KIF3C: variants seen among roughly 807,000 people sequenced by gnomAD.
The protein encoded by KIF3C is kinesin family member 3C, also known as kinesin-like protein KIF3C.
In KIF3C, 12 loss-of-function variants were observed where a neutral mutation model predicts 67.7. The observed-to-expected ratio is 0.18, with a 90% CI of 0.11 to 0.29. The LOEUF is 0.29. Among genes scored for constraint, KIF3C ranks in the 10% least tolerant of loss-of-function variants. KIF3C has a pLI of 1.00. For missense variants in KIF3C, 789 were observed against 1,059.6 expected, an observed-to-expected ratio of 0.74 and a Z score of 3.55; for synonymous variants, 393 against 426.2, an observed-to-expected ratio of 0.92 and a Z score of 0.96.
rs1436938413 is a variant in KIF3C, at chr2:25,982,373, A to G, written c.-456T>C. 1 of 398,920 alleles carries G rather than the reference A, an allele frequency of 2.5e-6. No individual in the cohort carries two copies. Among genetic ancestry groups the G allele is most frequent in the Non-Finnish European group, 4.4e-6 (1 of 226,410 alleles). 24.7% of individuals were successfully genotyped at this position (398,920 alleles called of 1,614,324 possible). The stretch of plus-strand genomic sequence containing the variant: ...GCGGCCGGGGGTCCCGGGCCTCCCG[A>G]GGGCAGAGGCTCACCTGGAGTCCTC... On this transcript the variant is annotated 5_prime_UTR_variant, in exon 1 of 8. Coordinates refer to ENST00000264712, the MANE Select transcript of KIF3C (RefSeq NM_002254.8).
chr2:25,928,911 G>A lies in KIF3C; in HGVS notation c.*67C>T, dbSNP rs572019857. The A allele has an allele frequency of 7.4e-7, 1 of 1,353,570 alleles. No homozygotes were observed. Among genetic ancestry groups the A allele is most frequent in the South Asian group, 1.2e-5 (1 of 81,872 alleles). The allele number at this position is 1,353,570 out of a possible 1,614,324, so 83.8% of individuals were successfully genotyped here. Reference sequence around the variant, plus strand: ...CACGCACACGCACCAAGCGGCAGATGAGATGAGCCAGGGTTGGCTGCCCCA... The same window carrying A: ...CACGCACACGCACCAAGCGGCAGATAAGATGAGCCAGGGTTGGCTGCCCCA... On this transcript the variant is annotated 3_prime_UTR_variant, in exon 8 of 8. Transcript: ENST00000264712.
chr2:25,946,878 C>T (rs150783699), intron 5 of KIF3C, among the ~76,000 whole-genome samples: 455 of 151,676 alleles, frequency 3.0e-3, no homozygotes, highest in African/African-American at 0.011. Context: ...GAAGGCTGGG[C>T]GCAGTGGCTC....
chr2:25,947,352 C>A (rs1012765987), intron 5 of KIF3C, among the ~76,000 whole-genome samples: 3 of 151,840 alleles, frequency 2.0e-5, no homozygotes, highest in Non-Finnish European at 4.4e-5. Flanking sequence ...GAGGCCGGGG[C>A]GGGCAGATCA....
chr2:25,960,292 T>C (rs1476736979), intron 1 of KIF3C, among the ~76,000 whole-genome samples: 1 of 152,132 alleles, frequency 6.6e-6, no homozygotes, highest in Non-Finnish European at 1.5e-5. Flanking sequence ...TTGAGATCCA[T>C]ATTGTACTGA....
At chr2:25,956,026 A>G (rs1279926895) in intron 2 of KIF3C, among the ~76,000 whole-genome samples, 1 of 152,186 alleles carries the variant, frequency 6.6e-6, no homozygotes, top group East Asian at 1.9e-4. Flanking sequence ...GTGGCTCTTG[A>G]TGATTTAGGG....
At position 25,980,386 on chromosome 2, in the gene KIF3C, G is replaced by C; in HGVS notation, c.1532C>G (p.Ala511Gly). The C allele has an allele frequency of 6.2e-7, 1 of 1,612,952 alleles. No individual in the cohort carries two copies. Among genetic ancestry groups the C allele is most frequent in the Non-Finnish European group, 8.5e-7 (1 of 1,179,384 alleles). The stretch of plus-strand genomic sequence containing the variant: ...TGGGGCCCTTACCTTGTACTTGGCC[G>C]CAAGCAGCTCTGTGGCCTGCTGTTC... ...RREQQATELL[A>G]AKYKAMESKL... The change falls in exon 1 of 8, where the codon GCG becomes GGG. Residue 511 changes from alanine to glycine, a missense_variant. Coordinates refer to ENST00000264712, the MANE Select transcript of KIF3C (RefSeq NM_002254.8). This position sits in a 1 kb window ranked among gnomAD's most constrained non-coding sequence, Gnocchi z 7.6.
chr2:25,939,110 G>A (rs897669898), intron 5 of KIF3C, among the ~76,000 whole-genome samples: 1 of 152,090 alleles, frequency 6.6e-6, no homozygotes, highest in African/African-American at 2.4e-5. Context: ...TGGGATTACA[G>A]GTGACAGCCA....
intron 5 of KIF3C, among the ~76,000 whole-genome samples, 174 bp from the exon 6 acceptor site, chr2:25,930,237 C>T (rs1334314468): frequency 3.3e-5 from 5 of 152,152 alleles, no homozygotes; most frequent in Non-Finnish European, 5.9e-5. Flanking sequence ...GCAGTTGTCC[C>T]CCTCATCCGT....
intron 6 of KIF3C, 49 bp from the exon 7 acceptor site, chr2:25,929,526 C>T: frequency 1.3e-6 from 2 of 1,550,732 alleles, no homozygotes; most frequent in Non-Finnish European, 8.9e-7. Flanking sequence ...AGTCACTGTG[C>T]CTTCTAGGGA....
chr2:25,969,933 C>T (rs72803684), intron 1 of KIF3C, among the ~76,000 whole-genome samples: 3,932 of 152,264 alleles, frequency 0.026, 91 homozygotes, highest in Non-Finnish European at 0.043. Flanking sequence ...CCAAGATAGT[C>T]GTGAATGCCT....
intron 5 of KIF3C, among the ~76,000 whole-genome samples, chr2:25,945,021 C>G (rs1004127089): frequency 3.3e-5 from 5 of 152,038 alleles, no homozygotes; most frequent in African/African-American, 1.2e-4. Flanking sequence ...ATCCCAGCTA[C>G]TCAGGAGGCT....
rs1338396617 is a variant in KIF3C at position 25,980,289 on chromosome 2, G to A, written c.1545+84C>T. The A allele has an allele frequency of 5.2e-6, 6 of 1,149,128 alleles. No individual in the cohort carries two copies. The highest frequency in any genetic ancestry group is 1.5e-5 in the South Asian group (1 of 67,370). 71.2% of individuals were successfully genotyped at this position (1,149,128 alleles called of 1,614,324 possible). ...GAGGGAGAACCTCCACTTCAGGCCA[G>A]GTCACAGACTCTCAAAGAAGAGCCT... On this transcript the variant is annotated intron_variant, in intron 1 of 7. Coordinates refer to ENST00000264712, the MANE Select transcript of KIF3C (RefSeq NM_002254.8). The surrounding 1 kb of genome is among the most constrained non-coding windows in gnomAD (Gnocchi z 7.6).
chr2:25,951,919 TGAA>T lies in KIF3C; in HGVS notation c.1890-17_1890-15del, dbSNP rs752448812. The stretch of plus-strand genomic sequence containing the variant: ...ATGATTAGGTACCTGGGAGCAGGAA[TGAA>T]GGAGTGATGGGAAAATGGGTGAGCG... On this transcript the variant is annotated splice_polypyrimidine_tract_variant and intron_variant, in intron 4 of 7. Coordinates refer to ENST00000264712, the MANE Select transcript of KIF3C (RefSeq NM_002254.8). 2.1e-5 allele frequency: 33 copies of T among 1,567,386 alleles called. No homozygotes were observed. The South Asian group carries it at 3.5e-4, about 17-fold the overall frequency.
At chr2:25,940,724 C>A (rs1464253856) in intron 5 of KIF3C, among the ~76,000 whole-genome samples, 3 of 135,088 alleles carry the variant, frequency 2.2e-5, no homozygotes, top group African/African-American at 8.3e-5. Context: ...GATCTCAGCT[C>A]ACTGCAACCC....
rs1663778162 is a variant in KIF3C at position 25,955,333 on chromosome 2, C to T, written c.1770+208G>A. On this transcript the variant is annotated intron_variant, in intron 3 of 7. Coordinates refer to ENST00000264712, the MANE Select transcript of KIF3C (RefSeq NM_002254.8). The surrounding 1 kb of genome is among the most constrained non-coding windows in gnomAD (Gnocchi z 5.0). The stretch of plus-strand genomic sequence containing the variant: ...TGACAGAGTTTGCAGCCTGTCATAG[C>T]CCACCCTGGCCCAGGAGAAAAGGCT... Among the ~76,000 whole-genome samples, 1 of 152,078 alleles carries T rather than the reference C, an allele frequency of 6.6e-6. No individual in the cohort carries two copies. Among genetic ancestry groups the T allele is most frequent in the Non-Finnish European group, 1.5e-5 (1 of 68,020 alleles).
chr2:25,952,310 TAA>T (rs1663638432), intron 4 of KIF3C, among the ~76,000 whole-genome samples: 1 of 149,336 alleles, frequency 6.7e-6, no homozygotes, highest in East Asian at 2.0e-4. Flanking sequence ...CAAAAAAAAA[TAA>T]GTTAATTAAT....
rs752088049 is a variant in KIF3C at position 25,980,997 on chromosome 2, C to T, written c.921G>A (p.Leu307=). 3 of 1,614,088 alleles carry T rather than the reference C, an allele frequency of 1.9e-6. No homozygotes were observed. The highest frequency in any genetic ancestry group is 1.7e-5 in the Admixed American group (1 of 60,004). Residue 307 remains leucine, a synonymous_variant, in exon 1 of 8, where the codon CTG becomes CTA. Coordinates refer to ENST00000264712, the MANE Select transcript of KIF3C (RefSeq NM_002254.8). This position sits in a 1 kb window ranked among gnomAD's most constrained non-coding sequence, Gnocchi z 7.6. ...GAATGTGGGTGCTCCTGTTGCCCGC[C>T]AGGGCAGCAATCACGTTGCCCAGGG... ...LSALGNVIAA[L]AGNRSTHIPY... is the part of the protein sequence containing the mutation.
chr2:25,958,603 G>A lies in KIF3C; in HGVS notation c.1546-2159C>T, dbSNP rs901164805. ...CACAAAAAACAAAAAACAAAAAACA[G>A]CACAACTCTGAATGCTTGCTCCTTG... On this transcript the variant is annotated intron_variant, in intron 1 of 7. Coordinates refer to ENST00000264712, the MANE Select transcript of KIF3C (RefSeq NM_002254.8). The surrounding 1 kb of genome is among the most constrained non-coding windows in gnomAD (Gnocchi z 4.5). 6.6e-6 allele frequency among the ~76,000 whole-genome samples: 1 copy of A among 151,948 alleles called. No homozygotes were observed. The highest frequency in any genetic ancestry group is 6.6e-5 in the Admixed American group (1 of 15,246).
chr2:25,980,530 T>C lies in KIF3C; in HGVS notation c.1388A>G (p.Glu463Gly), dbSNP rs376328584. Reference sequence around the variant, plus strand: ...CTCCTCCTCCAGCCGCTCCTTCTGTTCCTGCAGGTAATTCTCCATGTTCTT... The same window carrying C: ...CTCCTCCTCCAGCCGCTCCTTCTGTCCCTGCAGGTAATTCTCCATGTTCTT... ...LEKNMENYLQ[E>G]QKERLEEEKA... The change falls in exon 1 of 8, where the codon GAA (glutamate) becomes GGA (glycine). Residue 463 changes from glutamate to glycine, a missense_variant. Glu to Gly is a moderately conservative substitution (Grantham distance 98, BLOSUM62 -2). Around this residue, in one of 2 missense-constraint regions of KIF3C, gnomAD observed 648 missense variants for 807.8 expected, o/e 0.80. Coordinates refer to ENST00000264712, the MANE Select transcript of KIF3C (RefSeq NM_002254.8). The surrounding 1 kb of genome is among the most constrained non-coding windows in gnomAD (Gnocchi z 7.6). 4.3e-6 allele frequency: 7 copies of C among 1,614,018 alleles called. No homozygotes were observed. In the African/African-American group the frequency reaches 8.0e-5, roughly 18 times the overall value.
Sources: allele counts gnomAD v4.1 joint callset (sites outside exome capture counted in the v4.1 genomes callset), GRCh38; gene constraint gnomAD v4.1.1; regional missense constraint gnomAD v4.1.1; non-coding constraint Gnocchi (gnomAD v3.1); transcripts MANE v1.5; gene names NCBI Gene and HGNC (gene_info 2026-07-23, HGNC 2026-07-21).